CDK14: variants seen among roughly 807,000 people sequenced by gnomAD.
CDK14 encodes the protein cyclin-dependent kinase 14.
In CDK14, 34 loss-of-function variants were observed where a neutral mutation model predicts 60.7. The ratio of observed to expected loss-of-function variants is 0.56; its 90% CI spans 0.43 to 0.75. The LOEUF (loss-of-function observed/expected upper bound fraction) is 0.75. CDK14 is among the 30% of genes least tolerant of loss of function. CDK14 has a pLI of 0.00. For synonymous variants in CDK14, 197 were observed against 203.7 expected (o/e 0.97, Z 0.28); for missense variants, 482 against 564.1 (o/e 0.85, Z 1.47).
At chr7:90,806,587 G>T (rs572478136) in intron 5 of CDK14, among the ~76,000 whole-genome samples, 3 of 152,318 alleles carry the variant, frequency 2.0e-5, no homozygotes, top group African/African-American at 7.2e-5. Flanking sequence ...GAGGTACCAG[G>T]TTCATCTCAC....
chr7:90,675,150 TGCC>T, intron 2 of CDK14, among the ~76,000 whole-genome samples: 1 of 152,330 alleles, frequency 6.6e-6, no homozygotes, highest in Non-Finnish European at 1.5e-5. Context: ...CCTGGAATTT[TGCC>T]CACTCAACCT....
At chr7:90,687,378 A>G (rs1216051951) in intron 2 of CDK14, among the ~76,000 whole-genome samples, 1 of 152,202 alleles carries the variant, frequency 6.6e-6, no homozygotes, top group Admixed American at 6.5e-5. Context: ...GAACTTCTGG[A>G]CTTTTGGGTT....
intron 4 of CDK14, among the ~76,000 whole-genome samples, chr7:90,782,121 G>T (rs1257326340): frequency 2.0e-5 from 3 of 151,934 alleles, no homozygotes; most frequent in Non-Finnish European, 4.4e-5. Flanking sequence ...TCTCCTTGAA[G>T]AGGTCCTTCA....
intron 2 of CDK14, among the ~76,000 whole-genome samples, chr7:90,674,904 A>C (rs1373756544): frequency 6.6e-6 from 1 of 152,226 alleles, no homozygotes; most frequent in South Asian, 2.1e-4. Context: ...CTGAAGGTGG[A>C]GCTCAGCTCT....
intron 13 of CDK14, among the ~76,000 whole-genome samples, chr7:91,115,266 C>T (rs533024408): frequency 6.6e-6 from 1 of 152,274 alleles, no homozygotes; most frequent in South Asian, 2.1e-4. Flanking sequence ...ATTTATTTCT[C>T]TTGGGGATGG....
intron 2 of CDK14, among the ~76,000 whole-genome samples, chr7:90,641,419 A>G (rs28946576): frequency 0.014 from 2,114 of 152,330 alleles, 64 homozygotes; most frequent in African/African-American, 0.046. Context: ...GCATATCTAT[A>G]TAATGAAATG....
chr7:90,690,235 T>A (rs1563045747), intron 2 of CDK14, among the ~76,000 whole-genome samples: 1 of 152,136 alleles, frequency 6.6e-6, no homozygotes, highest in East Asian at 1.9e-4. Flanking sequence ...GTATATTAGG[T>A]AAGTTTGCTT....
intron 4 of CDK14, among the ~76,000 whole-genome samples, chr7:90,781,001 T>A (rs1329163209): frequency 6.6e-6 from 1 of 152,046 alleles, no homozygotes; most frequent in African/African-American, 2.4e-5. Context: ...ATGGTTGAAC[T>A]AGTTTACAGT....
intron 5 of CDK14, among the ~76,000 whole-genome samples, chr7:90,821,253 G>C (rs900373950): frequency 2.0e-5 from 3 of 152,202 alleles, no homozygotes; most frequent in African/African-American, 7.2e-5. Flanking sequence ...AAGGAAGTGA[G>C]AAAGGCAGGG....
chr7:91,066,382 GAAAA>G (rs1797982215), intron 11 of CDK14, among the ~76,000 whole-genome samples: 1 of 152,124 alleles, frequency 6.6e-6, no homozygotes, highest in Non-Finnish European at 1.5e-5. Context: ...AAAAAAGAAA[GAAAA>G]GTGTTAGCTA....
intron 14 of CDK14, among the ~76,000 whole-genome samples, chr7:91,125,208 C>T (rs149091974): frequency 6.6e-6 from 1 of 152,214 alleles, no homozygotes; most frequent in African/African-American, 2.4e-5. Flanking sequence ...CACATGGGAG[C>T]TTTGTCTGGG....
Position 91,129,407 on chromosome 7 carries a change from C to A in CDK14, c.*28+11199C>A, listed in dbSNP as rs368599996. ...AGTTAAAAGTATTGATTTTATTAAACCTCTACTTTTAGGTAAATGTCTTCT... is the reference window on the plus strand; with the variant it reads ...AGTTAAAAGTATTGATTTTATTAAAACTCTACTTTTAGGTAAATGTCTTCT... On this transcript the variant is annotated intron_variant, in intron 14 of 14. Transcript: ENST00000380050. Among the ~76,000 whole-genome samples the A allele has an allele frequency of 1.3e-3, 205 of 152,126 alleles. 2 individuals are homozygous for A. Among genetic ancestry groups the A allele is most frequent in the Admixed American group, 7.9e-4 (12 of 15,256 alleles).
At chr7:90,961,527 G>C (rs1357862354) in intron 9 of CDK14, among the ~76,000 whole-genome samples, 1 of 152,208 alleles carries the variant, frequency 6.6e-6, no homozygotes, top group Non-Finnish European at 1.5e-5. Flanking sequence ...ATGAGAATTT[G>C]AGTTGATGAG....
chr7:90,971,307 T>C (rs1368258517), intron 9 of CDK14, among the ~76,000 whole-genome samples: 1 of 152,132 alleles, frequency 6.6e-6, no homozygotes, highest in African/African-American at 2.4e-5. Context: ...AACACAGGTA[T>C]ATGGTTAGTA....
chr7:90,610,035 CTGT>C (rs1799505915), intron 2 of CDK14, among the ~76,000 whole-genome samples: 1 of 152,218 alleles, frequency 6.6e-6, no homozygotes, highest in Non-Finnish European at 1.5e-5. Context: ...ACAATCTTTC[CTGT>C]TTAGCTTTCT....
chr7:90,731,386 A>G (rs1052185269), intron 3 of CDK14, among the ~76,000 whole-genome samples: 41 of 152,286 alleles, frequency 2.7e-4, no homozygotes, highest in African/African-American at 8.9e-4. Flanking sequence ...AAGAAAGTCA[A>G]TGATAGCTTG....
chr7:90,608,517 C>T (rs6964856), intron 2 of CDK14: 310,525 of 976,278 alleles, frequency 0.32, 50,838 homozygotes, highest in Middle Eastern at 0.36. Flanking sequence ...TGCTTTATCC[C>T]TCTGTTTTTT....
chr7:90,719,660 A>G (rs1295602748), intron 2 of CDK14, among the ~76,000 whole-genome samples: 1 of 152,150 alleles, frequency 6.6e-6, no homozygotes, highest in African/African-American at 2.4e-5. Context: ...GAATATCCAT[A>G]TGTGTGGGTG....
Position 91,167,010 on chromosome 7 carries a change from T to C in CDK14, c.*29-40155T>C, listed in dbSNP as rs368784548. Among the ~76,000 whole-genome samples the C allele has an allele frequency of 3.1e-4, 47 of 152,356 alleles. No individual in the cohort carries two copies. In the South Asian group the frequency reaches 8.1e-3, roughly 26 times the overall value. On this transcript the variant is annotated intron_variant, in intron 14 of 14. Coordinates refer to ENST00000380050, the MANE Select transcript of CDK14 (RefSeq NM_001287135.2). The stretch of plus-strand genomic sequence containing the variant: ...TGAAAGATGAGACTGAGAGTTATAA[T>C]TGGGCCTTTAGTATAGACAAATTGT...
Sources: gnomAD v4.1 joint callset for allele counts (sites outside exome capture counted in the v4.1 genomes callset) on GRCh38, gnomAD v4.1.1 for gene constraint, MANE v1.5 for transcripts, NCBI Gene and HGNC (gene_info 2026-07-23, HGNC 2026-07-21) for gene names.